The following PLCG2 variants were observed in gnomAD, a reference collection of about 807,000 sequenced individuals.
The protein encoded by PLCG2 is 1-phosphatidylinositol 4,5-bisphosphate phosphodiesterase gamma-2.
Under a neutral mutation model 175.6 loss-of-function variants are expected in PLCG2, and 69 were observed. The observed-to-expected ratio is 0.39, with a 90% CI of 0.32 to 0.48. The LOEUF (loss-of-function observed/expected upper bound fraction) is 0.48. Among genes scored for constraint, PLCG2 ranks in the 20% least tolerant of loss-of-function variants. PLCG2 has a pLI of 0.91. For synonymous variants in PLCG2, 827 were observed against 624.0 expected (o/e 1.33, Z -4.85); for missense variants, 1,798 against 1,650.9 (o/e 1.09, Z -1.54).
intron 2 of PLCG2, among the ~76,000 whole-genome samples, chr16:81,793,232 A>G (rs935147562): frequency 1.3e-5 from 2 of 152,134 alleles, no homozygotes; most frequent in Non-Finnish European, 2.9e-5. Context: ...GCATAGAGTT[A>G]AGGAGCTGGT....
intron 2 of PLCG2, 35 bp from the exon 3 acceptor site, chr16:81,854,409 C>A (rs1906577758): frequency 1.2e-6 from 2 of 1,607,788 alleles, no homozygotes; most frequent in Non-Finnish European, 1.7e-6. Context: ...GAGGGAACTC[C>A]AGCTTCTAAT....
At chr16:81,902,087 C>A (rs1434379010) in intron 14 of PLCG2, among the ~76,000 whole-genome samples, 3 of 152,200 alleles carry the variant, frequency 2.0e-5, no homozygotes, top group African/African-American at 7.2e-5. Flanking sequence ...CAAATGGTTT[C>A]TGGTAAGCAA....
At chr16:81,785,395 C>G (rs1910923389) in intron 1 of PLCG2, among the ~76,000 whole-genome samples, 1 of 152,172 alleles carries the variant, frequency 6.6e-6, no homozygotes, top group African/African-American at 2.4e-5. Flanking sequence ...CTGCCAAGAC[C>G]TGACATTTCC....
intron 9 of PLCG2, among the ~76,000 whole-genome samples, chr16:81,885,918 C>G (rs1004467131): frequency 2.0e-5 from 3 of 152,090 alleles, no homozygotes; most frequent in African/African-American, 7.2e-5. Flanking sequence ...GCTTATTTGC[C>G]CAACCTGAGA....
At chr16:81,849,791 A>AAAC (rs1555512387) in intron 2 of PLCG2, among the ~76,000 whole-genome samples, 59 of 145,546 alleles carry the variant, frequency 4.1e-4, no homozygotes, top group South Asian at 2.6e-3. Flanking sequence ...AAAAAAAAAA[A>AAAC]AAAAAACCAA....
At chr16:81,780,865 A>G (rs1910697820) in intron 1 of PLCG2, among the ~76,000 whole-genome samples, 1 of 152,148 alleles carries the variant, frequency 6.6e-6, no homozygotes, top group Non-Finnish European at 1.5e-5. Context: ...CATCTCTACT[A>G]AAACTACAAA....
chr16:81,762,248 T>C (rs752736869), intron 2 of PLCG2, among the ~76,000 whole-genome samples: 7 of 152,194 alleles, frequency 4.6e-5, no homozygotes, highest in Non-Finnish European at 8.8e-5. Flanking sequence ...CATATGTTGC[T>C]ATTATTTTTT....
At chr16:81,918,059 C>G (rs181553874) in intron 19 of PLCG2, among the ~76,000 whole-genome samples, 113 of 152,282 alleles carry the variant, frequency 7.4e-4, no homozygotes, top group African/African-American at 2.1e-3. Flanking sequence ...TATTTTCTTA[C>G]TATTGAGCTG....
chr16:81,771,118 A>G (rs1280311817), intron 2 of PLCG2, among the ~76,000 whole-genome samples: 1 of 152,190 alleles, frequency 6.6e-6, no homozygotes, highest in Non-Finnish European at 1.5e-5. Flanking sequence ...AGAGCTCAGT[A>G]CATTTTCATA....
chr16:81,785,152 C>A (rs145742649), intron 1 of PLCG2, among the ~76,000 whole-genome samples: 2 of 152,266 alleles, frequency 1.3e-5, no homozygotes, highest in African/African-American at 4.8e-5. Flanking sequence ...AGAGTCCACG[C>A]AAGGATTCCT....
At position 81,816,651 on chromosome 16, in the gene PLCG2, A is replaced by ACTTTTTTT. The variant is rs1555509092; in HGVS notation, c.193+30469_193+30470insCTTTTTTT. Among the ~76,000 whole-genome samples the ACTTTTTTT allele has an allele frequency of 5.1e-4, 55 of 108,882 alleles. 20 individuals carry two copies. The highest frequency in any genetic ancestry group is 1.4e-3 in the African/African-American group (38 of 26,506). 71.4% of individuals were successfully genotyped at this position (108,882 alleles called of 152,430 possible). A position where few individuals can be genotyped will look rare whatever the true frequency, so the allele number is the denominator to read the frequency against. ...GCACCACCATGCCCAGCTAATTTTA[A>ACTTTTTTT]TTTTTTTTTTTTTTTTTTTTTTTTT... On this transcript the variant is annotated intron_variant, in intron 2 of 32. Transcript: ENST00000564138.
intron 2 of PLCG2, among the ~76,000 whole-genome samples, chr16:81,808,564 G>T (rs1195283566): frequency 6.6e-6 from 1 of 152,036 alleles, no homozygotes; most frequent in Non-Finnish European, 1.5e-5. Context: ...CATGATCTCG[G>T]CTCGCTACAA....
chr16:81,860,108 A>T (rs1215355268), intron 5 of PLCG2, among the ~76,000 whole-genome samples: 1 of 150,838 alleles, frequency 6.6e-6, no homozygotes, highest in Non-Finnish European at 1.5e-5. Flanking sequence ...GTAGCTGGGA[A>T]CTACAGGTGT....
At chr16:81,913,862 T>C (rs1198415362) in intron 19 of PLCG2, among the ~76,000 whole-genome samples, 1 of 152,060 alleles carries the variant, frequency 6.6e-6, no homozygotes, top group Admixed American at 6.5e-5. Flanking sequence ...TGCACCACTA[T>C]GCCTGAGCCA....
chr16:81,811,982 A>C lies in PLCG2; in HGVS notation c.193+25800A>C, dbSNP rs534360627. 1.1e-4 allele frequency among the ~76,000 whole-genome samples: 17 copies of C among 149,948 alleles called. No homozygotes were observed. The East Asian group carries it at 1.2e-3, about 10-fold the overall frequency. ...AATGGTTGAACTGATTTACACTCCT[A>C]CCAACAGTGTAAAAGCATTCCTATT... is the stretch of plus-strand genomic sequence containing the variant. On this transcript the variant is annotated intron_variant, in intron 2 of 32. Coordinates refer to ENST00000564138, the MANE Select transcript of PLCG2 (RefSeq NM_002661.5).
chr16:81,872,287 T>C (rs56215311), intron 7 of PLCG2, among the ~76,000 whole-genome samples: 83,118 of 152,036 alleles, frequency 0.55, 23,461 homozygotes, highest in Middle Eastern at 0.62. Flanking sequence ...GAGATTGCAC[T>C]ACTGCACTCC....
At chr16:81,756,260 G>A (rs1018866446) in intron 2 of PLCG2, among the ~76,000 whole-genome samples, 8 of 152,210 alleles carry the variant, frequency 5.3e-5, no homozygotes, top group Admixed American at 3.3e-4. Flanking sequence ...GCCCCCTACC[G>A]CCTTTCAGAT....
chr16:81,832,849 T>G (rs2143392296), intron 2 of PLCG2, among the ~76,000 whole-genome samples: 1 of 152,244 alleles, frequency 6.6e-6, no homozygotes, highest in African/African-American at 2.4e-5. Context: ...GGGTGACCCA[T>G]TAGCCATAAG....
intron 7 of PLCG2, among the ~76,000 whole-genome samples, chr16:81,871,545 G>A (rs992218049): frequency 6.6e-6 from 1 of 152,036 alleles, no homozygotes; most frequent in Non-Finnish European, 1.5e-5. Context: ...GCCGCATTGG[G>A]TGGGCAGGTC....
Sources: gnomAD v4.1 joint callset for allele counts (sites outside exome capture counted in the v4.1 genomes callset) on GRCh38, gnomAD v4.1.1 for gene constraint, MANE v1.5 for transcripts, NCBI Gene and HGNC (gene_info 2026-07-23, HGNC 2026-07-21) for gene names.